TNIK: variants seen among roughly 807,000 people sequenced by gnomAD.
The protein encoded by TNIK is TRAF2 and NCK interacting kinase, also known as TRAF2 and NCK-interacting protein kinase.
In TNIK, 49 loss-of-function variants were observed where a neutral mutation model predicts 191.3. That is an observed-to-expected ratio of 0.26 (90% CI 0.20 to 0.32). The LOEUF (loss-of-function observed/expected upper bound fraction) is 0.32. TNIK is among the 10% of genes least tolerant of loss of function. The pLI is 1.00. For missense variants in TNIK, 1,155 were observed against 1,702.3 expected (o/e 0.68, Z 5.66); for synonymous variants, 594 against 600.9 (o/e 0.99, Z 0.17).
At position 171,308,419 on chromosome 3, in the gene TNIK, A is replaced by G. The variant is rs531547246; in HGVS notation, c.123+61201T>C. On this transcript the variant is annotated intron_variant, in intron 2 of 32. Coordinates refer to ENST00000436636, the MANE Select transcript of TNIK (RefSeq NM_015028.4). Reference sequence around the variant, plus strand: ...CACACAAAAATCAACTCAAAAATGCATCAAAAATTTCAATGTAAAACTTAA... The same window carrying G: ...CACACAAAAATCAACTCAAAAATGCGTCAAAAATTTCAATGTAAAACTTAA... 9.2e-5 allele frequency among the ~76,000 whole-genome samples: 14 copies of G among 152,268 alleles called. No individual in the cohort carries two copies. The South Asian group carries it at 2.7e-3, about 29-fold the overall frequency.
chr3:171,088,396 G>A (rs560667067), intron 23 of TNIK, among the ~76,000 whole-genome samples: 4 of 151,994 alleles, frequency 2.6e-5, no homozygotes, highest in South Asian at 2.1e-4. Context: ...TACCACACCC[G>A]GCTAATTTTT....
chr3:171,413,045 C>T (rs189801934), intron 1 of TNIK, among the ~76,000 whole-genome samples: 27 of 152,306 alleles, frequency 1.8e-4, no homozygotes, highest in African/African-American at 5.3e-4. Context: ...TTTTTAAACA[C>T]GGAATGGGCA....
At chr3:171,121,448 G>C (rs1727730279) in intron 18 of TNIK, among the ~76,000 whole-genome samples, 1 of 152,170 alleles carries the variant, frequency 6.6e-6, no homozygotes, top group African/African-American at 2.4e-5. Flanking sequence ...GCAAGCAAAG[G>C]CTTCAAAAGT....
chr3:171,186,257 T>C (rs1190072071), intron 7 of TNIK, among the ~76,000 whole-genome samples: 1 of 152,132 alleles, frequency 6.6e-6, no homozygotes, highest in Non-Finnish European at 1.5e-5. Flanking sequence ...AAGAAAGAAG[T>C]AGTAAGGTTA....
chr3:171,425,002 A>G (rs1159016636), intron 1 of TNIK, among the ~76,000 whole-genome samples: 1 of 151,208 alleles, frequency 6.6e-6, no homozygotes, highest in Non-Finnish European at 1.5e-5. Context: ...AAAACTGGGC[A>G]CATGTTACTA....
At chr3:171,283,174 A>C (rs78320157) in intron 2 of TNIK, among the ~76,000 whole-genome samples, 2 of 150,292 alleles carry the variant, frequency 1.3e-5, no homozygotes, top group African/African-American at 4.9e-5. Flanking sequence ...AAAAAAAAAA[A>C]GCCCCTCATG....
At chr3:171,273,699 G>A (rs1180715687) in intron 2 of TNIK, among the ~76,000 whole-genome samples, 1 of 152,022 alleles carries the variant, frequency 6.6e-6, no homozygotes, top group African/African-American at 2.4e-5. Context: ...CAAAACTTGA[G>A]ACTCAAAGTT....
Position 171,098,591 on chromosome 3 carries a change from CTGTT to C in TNIK, c.2591+2854_2591+2857del, listed in dbSNP as rs1421654712. ...TTGTTTTAAACATCAGAAACCACAG[CTGTT>C]TGTCAAAATGGCTGGTGCTCCATTT... On this transcript the variant is annotated intron_variant, in intron 22 of 32. Transcript: ENST00000436636. Among the ~76,000 whole-genome samples, 4 of 152,144 alleles carry C rather than the reference CTGTT, an allele frequency of 2.6e-5. No homozygotes were observed. In the East Asian group the frequency reaches 7.7e-4, roughly 29 times the overall value.
intron 1 of TNIK, among the ~76,000 whole-genome samples, chr3:171,412,499 TAA>T (rs1722539375): frequency 6.6e-6 from 1 of 152,154 alleles, no homozygotes; most frequent in African/African-American, 2.4e-5. Context: ...TTAAAAATCA[TAA>T]AAGAGATTAA....
chr3:171,426,933 A>G (rs1371973808), intron 1 of TNIK, among the ~76,000 whole-genome samples: 1 of 152,178 alleles, frequency 6.6e-6, no homozygotes, highest in Non-Finnish European at 1.5e-5. Context: ...CAAACCAATG[A>G]GCAAATGGAA....
At chr3:171,408,690 T>C (rs574336439) in intron 1 of TNIK, among the ~76,000 whole-genome samples, 1 of 152,178 alleles carries the variant, frequency 6.6e-6, no homozygotes, top group African/African-American at 2.4e-5. Flanking sequence ...TGAAGTGCCA[T>C]GCTAAAGGGC....
intron 26 of TNIK, among the ~76,000 whole-genome samples, chr3:171,083,380 C>T (rs1259154182): frequency 6.6e-6 from 1 of 152,234 alleles, no homozygotes; most frequent in Non-Finnish European, 1.5e-5. Context: ...TCCCCGCTAA[C>T]ATCTCAAATG....
chr3:171,459,974 C>T, intron 1 of TNIK, 33 bp downstream of exon 1: 3 of 1,597,574 alleles, frequency 1.9e-6, no homozygotes, highest in Non-Finnish European at 1.7e-6. Context: ...TAACCCAAAC[C>T]ACTGGAAAGA....
chr3:171,190,343 G>C (rs1352259606), intron 6 of TNIK, among the ~76,000 whole-genome samples: 2 of 152,034 alleles, frequency 1.3e-5, no homozygotes, highest in Non-Finnish European at 2.9e-5. Flanking sequence ...ATATTTTAAT[G>C]GAAAAAAATT....
rs1358989076 is a variant in TNIK, at chr3:171,420,206, T to G, written c.57+39801A>C. Among the ~76,000 whole-genome samples, 4 of 152,188 alleles carry G rather than the reference T, an allele frequency of 2.6e-5. No individual in the cohort carries two copies. In the East Asian group the frequency reaches 7.7e-4, roughly 29 times the overall value. ...CTGTCCCTGGGCCTCTGGAGCCTTTTGGGATATGCAGAAGAAACAGAGTTG... is the reference window on the plus strand; with the variant it reads ...CTGTCCCTGGGCCTCTGGAGCCTTTGGGGATATGCAGAAGAAACAGAGTTG... On this transcript the variant is annotated intron_variant, in intron 1 of 32. Transcript: ENST00000436636.
chr3:171,440,952 T>C (rs954698165), intron 1 of TNIK, among the ~76,000 whole-genome samples: 1 of 152,192 alleles, frequency 6.6e-6, no homozygotes, highest in African/African-American at 2.4e-5. Context: ...AATAAGTTAT[T>C]TGAGCTACCT....
chr3:171,175,440 C>T, intron 8 of TNIK, 110 bp from the exon 9 acceptor site: 1 of 783,204 alleles, frequency 1.3e-6, no homozygotes, highest in Non-Finnish European at 2.0e-6. Context: ...AGTTTACACA[C>T]CACCAGTGAG....
At chr3:171,116,321 C>A (rs1164774865) in intron 18 of TNIK, among the ~76,000 whole-genome samples, 1 of 152,146 alleles carries the variant, frequency 6.6e-6, no homozygotes, top group Non-Finnish European at 1.5e-5. Context: ...CTTAACTGAG[C>A]CTATTCAGAT....
At chr3:171,408,780 T>C (rs934221601) in intron 1 of TNIK, among the ~76,000 whole-genome samples, 4 of 152,164 alleles carry the variant, frequency 2.6e-5, no homozygotes, top group African/African-American at 9.7e-5. Flanking sequence ...CCCAGTGGTA[T>C]GGCAAGCTAA....
Sources: allele counts gnomAD v4.1 joint callset (sites outside exome capture counted in the v4.1 genomes callset), GRCh38; gene constraint gnomAD v4.1.1; transcripts MANE v1.5; gene names NCBI Gene and HGNC (gene_info 2026-07-23, HGNC 2026-07-21).